The following CACNB2 variants were observed in gnomAD, a reference collection of about 807,000 sequenced individuals.
CACNB2 encodes the protein voltage-dependent L-type calcium channel subunit beta-2.
CACNB2 carries 42 observed loss-of-function variants against 73.3 expected under a neutral mutation model. The ratio of observed to expected loss-of-function variants is 0.57; its 90% CI spans 0.45 to 0.74. The LOEUF (loss-of-function observed/expected upper bound fraction) is 0.74, where lower values mean the gene tolerates loss of function less well. Among genes scored for constraint, CACNB2 ranks in the 30% least tolerant of loss-of-function variants. CACNB2 has a pLI of 0.00. For missense variants in CACNB2, 940 were observed against 853.0 expected (o/e 1.10, Z -1.27); for synonymous variants, 348 against 310.3 (o/e 1.12, Z -1.28).
intron 2 of CACNB2, among the ~76,000 whole-genome samples, chr10:18,228,821 C>G (rs551958843): frequency 2.6e-5 from 4 of 152,260 alleles, no homozygotes; most frequent in African/African-American, 9.6e-5. Context: ...CTCGCTGCAG[C>G]CTCTGCCTCC....
At chr10:18,264,235 C>T (rs7098208) in intron 2 of CACNB2, among the ~76,000 whole-genome samples, 38,979 of 152,006 alleles carry the variant, frequency 0.26, 5,566 homozygotes, top group East Asian at 0.59. Context: ...ACATAAGATG[C>T]TTGGATACAG....
chr10:18,270,731 C>T (rs1274580492), intron 2 of CACNB2, among the ~76,000 whole-genome samples: 2 of 152,152 alleles, frequency 1.3e-5, no homozygotes, highest in African/African-American at 4.8e-5. Flanking sequence ...GGTATCCTTG[C>T]TTTTCCCCTA....
chr10:18,515,061 A>G, intron 7 of CACNB2: 1 of 1,580,800 alleles, frequency 6.3e-7, no homozygotes, highest in Non-Finnish European at 8.7e-7. Flanking sequence ...TCCTATTGTC[A>G]TATATAAATA....
chr10:18,162,579 T>A (rs1195527647), intron 2 of CACNB2, among the ~76,000 whole-genome samples: 1 of 152,214 alleles, frequency 6.6e-6, no homozygotes, highest in Non-Finnish European at 1.5e-5. Flanking sequence ...TCTCTGTCAA[T>A]TAGATTATTA....
At chr10:18,198,015 CAA>C (rs896840370) in intron 2 of CACNB2, among the ~76,000 whole-genome samples, 82 of 146,284 alleles carry the variant, frequency 5.6e-4, no homozygotes, top group African/African-American at 2.0e-3. Flanking sequence ...ATATTAGTAA[CAA>C]TATAAATTTA....
intron 9 of CACNB2, among the ~76,000 whole-genome samples, chr10:18,520,886 TCTC>T (rs2051810325): frequency 6.6e-6 from 1 of 152,170 alleles, no homozygotes; most frequent in Non-Finnish European, 1.5e-5. Flanking sequence ...GTTCTGTGTC[TCTC>T]CTTTCCCTCT....
chr10:18,488,474 CAAAAAA>C (rs59931967), intron 3 of CACNB2, among the ~76,000 whole-genome samples: 1 of 67,968 alleles, frequency 1.5e-5, no homozygotes, highest in African/African-American at 5.7e-5. Context: ...GACTCCATCT[CAAAAAA>C]AAAAAAAAAA....
intron 2 of CACNB2, among the ~76,000 whole-genome samples, chr10:18,401,263 C>T (rs555967843): frequency 6.6e-6 from 1 of 152,200 alleles, no homozygotes; most frequent in East Asian, 1.9e-4. Context: ...AGCTCCTTTT[C>T]CTAGGTTGTG....
intron 6 of CACNB2, chr10:18,513,649 C>G: frequency 3.5e-6 from 1 of 286,134 alleles, no homozygotes; most frequent in South Asian, 3.7e-5. Context: ...TGTCTGACAT[C>G]ATTTCCATAG....
chr10:18,183,032 T>A (rs1624525), intron 2 of CACNB2, among the ~76,000 whole-genome samples: 1 of 151,562 alleles, frequency 6.6e-6, no homozygotes, highest in Non-Finnish European at 1.5e-5. Flanking sequence ...CAGAGGGGCA[T>A]TGTGGTTGAG....
chr10:18,518,260 A>G (rs2051476738), intron 7 of CACNB2, 76 bp from the exon 8 acceptor site: 1 of 991,410 alleles, frequency 1.0e-6, no homozygotes, highest in Non-Finnish European at 1.6e-6. Context: ...TGGAGTTCAG[A>G]AAGAGTACCT....
intron 2 of CACNB2, among the ~76,000 whole-genome samples, chr10:18,391,981 G>A (rs1404762726): frequency 1.3e-5 from 2 of 150,758 alleles, no homozygotes; most frequent in African/African-American, 4.9e-5. Context: ...AAGTAGAACA[G>A]GGTAAGTGAG....
At chr10:18,517,545 T>C (rs1180499911) in intron 7 of CACNB2, among the ~76,000 whole-genome samples, 2 of 152,178 alleles carry the variant, frequency 1.3e-5, no homozygotes, top group African/African-American at 4.8e-5. Flanking sequence ...TTGAGAATCA[T>C]ATTAGATATG....
In CACNB2 at chr10:18,280,829, G is replaced by T. The variant is rs373558184; in HGVS notation, c.214-121095G>T. ...TATTGATGTATTGATCACACAAAAGGTACATCATAAAAACCAAGCAGTGGC... is the reference window on the plus strand; with the variant it reads ...TATTGATGTATTGATCACACAAAAGTTACATCATAAAAACCAAGCAGTGGC... On this transcript the variant is annotated intron_variant, in intron 2 of 13. Coordinates refer to ENST00000324631, the MANE Select transcript of CACNB2 (RefSeq NM_201596.3). Among the ~76,000 whole-genome samples, 6 of 152,204 alleles carry T rather than the reference G, an allele frequency of 3.9e-5. No individual in the cohort carries two copies. The South Asian group carries it at 1.2e-3, about 32-fold the overall frequency.
Position 18,408,231 on chromosome 10 carries a change from C to CTTTT in CACNB2, c.333+6210_333+6213dup, listed in dbSNP as rs71402161. Among the ~76,000 whole-genome samples the CTTTT allele has an allele frequency of 1.8e-3, 142 of 77,990 alleles. 3 individuals are homozygous for CTTTT. Among genetic ancestry groups the CTTTT allele is most frequent in the Non-Finnish European group, 2.1e-3 (91 of 43,644 alleles). 51.2% of individuals were successfully genotyped at this position (77,990 alleles called of 152,430 possible). ...TTAAGGAAACATTCACTATCCCTGA[C>CTTTT]TTTTTTTTTTTTTTTTTTTTTTTTT... is the stretch of plus-strand genomic sequence containing the variant. On this transcript the variant is annotated intron_variant, in intron 3 of 13. Coordinates refer to ENST00000324631, the MANE Select transcript of CACNB2 (RefSeq NM_201596.3).
intron 2 of CACNB2, among the ~76,000 whole-genome samples, chr10:18,287,638 C>T (rs572510802): frequency 1.3e-5 from 2 of 152,204 alleles, no homozygotes; most frequent in East Asian, 3.9e-4. Flanking sequence ...ATCACCTGAG[C>T]CCAAGAGTTT....
At chr10:18,306,247 G>C (rs1396627938) in intron 2 of CACNB2, among the ~76,000 whole-genome samples, 1 of 152,126 alleles carries the variant, frequency 6.6e-6, no homozygotes, top group Non-Finnish European at 1.5e-5. Context: ...CTAGAAGGAG[G>C]AAGTATGGCC....
intron 2 of CACNB2, among the ~76,000 whole-genome samples, chr10:18,324,458 G>T (rs1203367457): frequency 6.6e-6 from 1 of 152,206 alleles, no homozygotes; most frequent in Admixed American, 6.5e-5. Flanking sequence ...TATTGGTAAA[G>T]GAATGTGCAA....
chr10:18,157,824 A>G (rs1019391968), intron 2 of CACNB2, among the ~76,000 whole-genome samples: 5 of 152,258 alleles, frequency 3.3e-5, no homozygotes, highest in African/African-American at 1.2e-4. Flanking sequence ...CGACAAATAC[A>G]TAGAAAGATA....
Sources: gnomAD v4.1 joint callset for allele counts (sites outside exome capture counted in the v4.1 genomes callset) on GRCh38, gnomAD v4.1.1 for gene constraint, MANE v1.5 for transcripts, NCBI Gene and HGNC (gene_info 2026-07-23, HGNC 2026-07-21) for gene names.